ADARB2: variants seen among roughly 807,000 people sequenced by gnomAD.
ADARB2 encodes adenosine deaminase RNA specific B2 (inactive).
Under a neutral mutation model 62.2 loss-of-function variants are expected in ADARB2, and 25 were observed. The ratio of observed to expected loss-of-function variants is 0.40; its 90% confidence interval spans 0.29 to 0.56. The LOEUF (loss-of-function observed/expected upper bound fraction) is 0.56, where lower values mean the gene tolerates loss of function less well. Ranked by LOEUF, ADARB2 falls within the 20% of genes least tolerant of loss-of-function variation. The pLI, the probability that ADARB2 is intolerant of heterozygous loss-of-function variation, is 0.43. For missense variants in ADARB2, 1,071 were observed against 1,077.4 expected (o/e 0.99, Z 0.08); for synonymous variants, 572 against 500.8 (o/e 1.14, Z -1.90).
intron 1 of ADARB2, among the ~76,000 whole-genome samples, chr10:1,594,044 C>A (rs1833300946): frequency 6.6e-6 from 1 of 152,170 alleles, no homozygotes; most frequent in African/African-American, 2.4e-5. Flanking sequence ...GTAATCCCAG[C>A]ACTTTGGGAG....
chr10:1,498,014 G>A (rs1267785173), intron 1 of ADARB2, among the ~76,000 whole-genome samples: 1 of 152,156 alleles, frequency 6.6e-6, no homozygotes, highest in African/African-American at 2.4e-5. Context: ...AAATATTTGT[G>A]TGTATATGGA....
At position 1,352,448 on chromosome 10, in the gene ADARB2, T is replaced by C. The variant is rs552809999; in HGVS notation, c.1077+10580A>G. On this transcript the variant is annotated intron_variant, in intron 3 of 9. Coordinates refer to ENST00000381312, the MANE Select transcript of ADARB2 (RefSeq NM_018702.4). ...CACCCTAGCTCTCCCTGACTCATCCTGACCCTTTTCATTACCCACAGCTGA... is the reference window on the plus strand; with the variant it reads ...CACCCTAGCTCTCCCTGACTCATCCCGACCCTTTTCATTACCCACAGCTGA... Among the ~76,000 whole-genome samples, 682 of 152,310 alleles carry C rather than the reference T, an allele frequency of 4.5e-3. 5 individuals carry two copies. The highest frequency in any genetic ancestry group is 0.016 in the African/African-American group (649 of 41,570).
At chr10:1,578,736 C>T (rs1833054384) in intron 1 of ADARB2, among the ~76,000 whole-genome samples, 1 of 75,130 alleles carries the variant, frequency 1.3e-5, no homozygotes, top group South Asian at 7.4e-4. Context: ...GGCACACATT[C>T]ACGCCGCACA....
At chr10:1,547,026 C>A (rs1364334066) in intron 1 of ADARB2, among the ~76,000 whole-genome samples, 2 of 152,244 alleles carry the variant, frequency 1.3e-5, no homozygotes, top group East Asian at 3.9e-4. Context: ...CAGGAGCAGA[C>A]AGAAGCCATT....
Position 1,620,372 on chromosome 10 carries a change from G to A in ADARB2, c.100+116679C>T, listed in dbSNP as rs376868135. 1.1e-4 allele frequency among the ~76,000 whole-genome samples: 16 copies of A among 152,162 alleles called. No homozygotes were observed. In the East Asian group the frequency reaches 1.4e-3, roughly 13 times the overall value. The stretch of plus-strand genomic sequence containing the variant: ...ATGGGCAACTTTATGGCCCAAATGA[G>A]GCAACTTAGATGAGATGGGGGAAAT... On this transcript the variant is annotated intron_variant, in intron 1 of 9. Coordinates refer to ENST00000381312, the MANE Select transcript of ADARB2 (RefSeq NM_018702.4).
intron 1 of ADARB2, among the ~76,000 whole-genome samples, chr10:1,447,774 T>C (rs1281883669): frequency 6.6e-6 from 1 of 152,208 alleles, no homozygotes; most frequent in Non-Finnish European, 1.5e-5. Context: ...GTTTCCTTTT[T>C]CATGTCCCTG....
intron 4 of ADARB2, among the ~76,000 whole-genome samples, chr10:1,251,249 A>C (rs1469589070): frequency 6.6e-6 from 1 of 152,240 alleles, no homozygotes; most frequent in African/African-American, 2.4e-5. Flanking sequence ...CTCAGCACTA[A>C]AAATAAATCA....
intron 3 of ADARB2, among the ~76,000 whole-genome samples, chr10:1,327,894 C>T (rs900129258): frequency 1.8e-5 from 2 of 114,058 alleles, no homozygotes; most frequent in African/African-American, 3.1e-5. Context: ...CTCCTCACAG[C>T]TCAGCGCCTC....
chr10:1,496,931 C>T (rs1256893312), intron 1 of ADARB2, among the ~76,000 whole-genome samples: 9 of 152,128 alleles, frequency 5.9e-5, no homozygotes, highest in Admixed American at 2.0e-4. Flanking sequence ...GTAGAAACAA[C>T]CACATATTAA....
chr10:1,203,819 A>C (rs2131744275), intron 7 of ADARB2, among the ~76,000 whole-genome samples: 1 of 152,208 alleles, frequency 6.6e-6, no homozygotes, highest in Admixed American at 6.5e-5. Flanking sequence ...CTGTCTTCTC[A>C]GTGGACCTCA....
chr10:1,234,100 A>T (rs10794732), intron 5 of ADARB2, among the ~76,000 whole-genome samples: 31,436 of 150,580 alleles, frequency 0.21, 3,496 homozygotes, highest in East Asian at 0.28. Flanking sequence ...GTATCAAGTG[A>T]TACTCAGCCT....
intron 2 of ADARB2, among the ~76,000 whole-genome samples, chr10:1,369,962 C>T (rs760845908): frequency 7.2e-5 from 11 of 152,204 alleles, no homozygotes; most frequent in Admixed American, 6.5e-4. Flanking sequence ...TGGCCCATCA[C>T]GCGGTTCACA....
intron 3 of ADARB2, among the ~76,000 whole-genome samples, chr10:1,320,568 G>T (rs569433229): frequency 6.6e-6 from 1 of 152,282 alleles, no homozygotes; most frequent in African/African-American, 2.4e-5. Context: ...ATAGTTCTTA[G>T]TCATAATATA....
At chr10:1,418,526 G>A (rs562872013) in intron 1 of ADARB2, among the ~76,000 whole-genome samples, 1 of 152,242 alleles carries the variant, frequency 6.6e-6, no homozygotes, top group South Asian at 2.1e-4. Context: ...TTCCTTCCAC[G>A]CACCAACAAA....
intron 1 of ADARB2, among the ~76,000 whole-genome samples, chr10:1,594,550 C>T (rs974122931): frequency 2.6e-5 from 4 of 152,126 alleles, no homozygotes; most frequent in African/African-American, 9.7e-5. Flanking sequence ...ATCAAGCGGC[C>T]CAATCTCTCT....
chr10:1,407,395 C>T (rs896495834), intron 1 of ADARB2, among the ~76,000 whole-genome samples: 18 of 152,298 alleles, frequency 1.2e-4, no homozygotes, highest in African/African-American at 2.6e-4. Context: ...GTACAACGGC[C>T]GGGGTGGGGT....
intron 6 of ADARB2, among the ~76,000 whole-genome samples, chr10:1,232,659 G>C (rs1473077258): frequency 6.6e-6 from 1 of 151,050 alleles, no homozygotes. Flanking sequence ...GGTATATGTG[G>C]TATGCATGTG....
intron 1 of ADARB2, among the ~76,000 whole-genome samples, chr10:1,403,371 T>C (rs1222868036): frequency 1.3e-5 from 2 of 152,190 alleles, no homozygotes; most frequent in Non-Finnish European, 2.9e-5. Flanking sequence ...GGGCCCTATC[T>C]GGGTCGTCAC....
chr10:1,196,608 C>CA (rs1836915428), intron 8 of ADARB2, among the ~76,000 whole-genome samples: 1 of 151,992 alleles, frequency 6.6e-6, no homozygotes, highest in East Asian at 1.9e-4. Flanking sequence ...AAAATGAAAA[C>CA]AAAGTTTTTC....
Sources: allele counts gnomAD v4.1 joint callset (sites outside exome capture counted in the v4.1 genomes callset), GRCh38; gene constraint gnomAD v4.1.1; transcripts MANE v1.5; gene names NCBI Gene and HGNC (gene_info 2026-07-23, HGNC 2026-07-21).